Variants in ADH4 observed in about 807,000 individuals in gnomAD.
ADH4 encodes the protein all-trans-retinol dehydrogenase [NAD(+)] ADH4.
Under a neutral mutation model 35.2 loss-of-function variants are expected in ADH4, and 31 were observed. That is an observed-to-expected ratio of 0.88 (90% CI 0.66 to 1.19). The LOEUF (loss-of-function observed/expected upper bound fraction) is 1.19. Among genes scored for constraint, ADH4 ranks in the 50% most tolerant of loss-of-function variants. The pLI, the probability that ADH4 is intolerant of heterozygous loss-of-function variation, is 0.00. For missense variants in ADH4, 476 were observed against 458.3 expected, an observed-to-expected ratio of 1.04 and a Z score of -0.35; for synonymous variants, 171 against 160.2, an observed-to-expected ratio of 1.07 and a Z score of -0.51.
intron 6 of ADH4, among the ~76,000 whole-genome samples, chr4:99,127,771 G>C (rs902459973): frequency 3.3e-5 from 5 of 151,656 alleles, no homozygotes; most frequent in African/African-American, 1.2e-4. Flanking sequence ...GGAGGAGGTT[G>C]CAGTGAGCCG....
At chr4:99,128,003 C>CTTTTTTT (rs531060104) in intron 6 of ADH4, among the ~76,000 whole-genome samples, 1 of 146,776 alleles carries the variant, frequency 6.8e-6, no homozygotes. Context: ...CGTTGTGTGA[C>CTTTTTTT]TTTTTTTTTT....
intron 1 of ADH4, chr4:99,143,131 A>G (rs1441684370): frequency 2.9e-6 from 2 of 701,410 alleles, no homozygotes; most frequent in African/African-American, 1.7e-5. Context: ...ATAAAAATCT[A>G]TTGAGTGAAC....
chr4:99,131,500 A>C lies in ADH4; in HGVS notation c.843+4T>G. 1.2e-6 allele frequency: 2 copies of C among 1,611,520 alleles called. No homozygotes were observed. The highest frequency in any genetic ancestry group is 2.2e-5 in the South Asian group (2 of 90,736). ...AATATGATCCAAGAACAAAATATAC[A>C]TACCATGGTTTCAGATCCACCTGCA... On this transcript the variant is annotated splice_donor_region_variant and intron_variant, in intron 6 of 8. Coordinates refer to ENST00000265512, the MANE Select transcript of ADH4 (RefSeq NM_000670.5).
intron 4 of ADH4, among the ~76,000 whole-genome samples, chr4:99,137,146 G>C (rs1729464760): frequency 1.5e-5 from 2 of 133,126 alleles, no homozygotes; most frequent in African/African-American, 5.8e-5. Context: ...TTTTTTTTTT[G>C]AGACGGAGTC....
At chr4:99,143,205 T>G (rs1729692178) in intron 1 of ADH4, 1 of 701,996 alleles carries the variant, frequency 1.4e-6, no homozygotes, top group Non-Finnish European at 2.6e-6. Flanking sequence ...GTGTTTTACA[T>G]CTCTGCAACT....
chr4:99,140,116 T>C (rs1002758073), intron 3 of ADH4, among the ~76,000 whole-genome samples: 2 of 151,678 alleles, frequency 1.3e-5, no homozygotes, highest in African/African-American at 4.9e-5. Context: ...AGGTATTATC[T>C]TTATCTTACA....
chr4:99,143,340 A>G, intron 1 of ADH4: 1 of 648,960 alleles, frequency 1.5e-6, no homozygotes, highest in Non-Finnish European at 2.8e-6. Context: ...GAATTCATTA[A>G]AAGTCTGAGA....
intron 5 of ADH4, 141 bp downstream of exon 5, chr4:99,136,325 G>C: frequency 3.1e-6 from 2 of 653,026 alleles, no homozygotes; most frequent in South Asian, 3.7e-5. Context: ...TATTATTCTA[G>C]AGGGATTAAA....
chr4:99,134,790 G>A (rs1355201107), intron 5 of ADH4, among the ~76,000 whole-genome samples: 3 of 151,064 alleles, frequency 2.0e-5, no homozygotes, highest in African/African-American at 7.3e-5. Context: ...TGTCTATGTG[G>A]CAGATAAAAT....
At chr4:99,128,861 G>A (rs138840579) in intron 6 of ADH4, among the ~76,000 whole-genome samples, 66 of 151,866 alleles carry the variant, frequency 4.3e-4, no homozygotes, top group Non-Finnish European at 8.2e-4. Flanking sequence ...GTGGAGTGGC[G>A]TGATCATAGC....
intron 7 of ADH4, 40 bp from the exon 8 acceptor site, chr4:99,126,772 T>G (rs1385525749): frequency 6.4e-7 from 1 of 1,553,844 alleles, no homozygotes; most frequent in Non-Finnish European, 8.8e-7. Context: ...ACATGGCACT[T>G]GACACGAAGT....
chr4:99,142,193 G>A (rs886680622), intron 2 of ADH4, among the ~76,000 whole-genome samples: 4 of 152,144 alleles, frequency 2.6e-5, no homozygotes, highest in African/African-American at 9.7e-5. Context: ...GTCCAAACTT[G>A]CCATCAGTGA....
intron 2 of ADH4, among the ~76,000 whole-genome samples, chr4:99,142,043 T>C (rs185121665): frequency 2.6e-5 from 4 of 152,336 alleles, no homozygotes; most frequent in Admixed American, 2.6e-4. Context: ...ATTGTCTGAA[T>C]TAATTACCAA....
chr4:99,136,569 T>A lies in ADH4; in HGVS notation c.479A>T (p.Asp160Val). 5 of 1,614,152 alleles carry A rather than the reference T, an allele frequency of 3.1e-6. No homozygotes were observed. Among genetic ancestry groups the A allele is most frequent in the East Asian group, 4.5e-5 (2 of 44,872 alleles). Residue 160 changes from aspartate to valine, a missense_variant, in exon 5 of 9, where the codon GAT becomes GTT. Coordinates refer to ENST00000265512, the MANE Select transcript of ADH4 (RefSeq NM_000670.5). ...ATCATCTATTTTGGCAAGATTGATATCTGACACCACAGTGTACTGAGAGAA... is the reference window on the plus strand; with the variant it reads ...ATCATCTATTTTGGCAAGATTGATAACTGACACCACAGTGTACTGAGAGAA... ...STFSQYTVVS[D>V]INLAKIDDDA...
intron 6 of ADH4, among the ~76,000 whole-genome samples, chr4:99,129,251 A>G (rs1729197116): frequency 1.3e-5 from 2 of 152,096 alleles, no homozygotes; most frequent in Admixed American, 1.3e-4. Flanking sequence ...AAAAAGAATA[A>G]TTTCATATAA....
intron 6 of ADH4, among the ~76,000 whole-genome samples, chr4:99,128,881 C>A (rs1263586390): frequency 2.0e-5 from 3 of 152,004 alleles, no homozygotes; most frequent in Non-Finnish European, 4.4e-5. Context: ...CTCACTGCAG[C>A]CTCAACTTCC....
At chr4:99,132,428 A>G (rs1234467808) in intron 5 of ADH4, among the ~76,000 whole-genome samples, 5 of 152,244 alleles carry the variant, frequency 3.3e-5, no homozygotes, top group South Asian at 2.1e-4. Context: ...CATTCTGTCT[A>G]TGAAACTTTT....
chr4:99,126,664 C>G lies in ADH4; in HGVS notation c.1048G>C (p.Ala350Pro), dbSNP rs769411343. The G allele has an allele frequency of 1.4e-5, 23 of 1,611,858 alleles. No individual in the cohort carries two copies. The highest frequency in any genetic ancestry group is 1.8e-5 in the Non-Finnish European group (21 of 1,178,408). ...DYKNKKFNLDALVTHTLPFDK... is the reference protein window; with the variant it reads ...DYKNKKFNLDPLVTHTLPFDK... The stretch of plus-strand genomic sequence containing the variant: ...AAAGGCAGGGTATGGGTCACCAGTG[C>G]ATCCAGATTGAATTTCTTATTCTTA... The change falls in exon 8 of 9, where the codon GCA becomes CCA. Residue 350 changes from alanine (A) to proline (P), a missense_variant. Physicochemically the swap from Ala to Pro is conservative, Grantham distance 27. Coordinates refer to ENST00000265512, the MANE Select transcript of ADH4 (RefSeq NM_000670.5).
chr4:99,131,824 T>A, intron 5 of ADH4, 60 bp from the exon 6 acceptor site: 11 of 1,553,918 alleles, frequency 7.1e-6, no homozygotes, highest in Non-Finnish European at 9.5e-6. Context: ...TTTTTTCTTT[T>A]AAGAGTCAGG....
Sources: gnomAD v4.1 joint callset for allele counts (sites outside exome capture counted in the v4.1 genomes callset) on GRCh38, gnomAD v4.1.1 for gene constraint, MANE v1.5 for transcripts, NCBI Gene and HGNC (gene_info 2026-07-23, HGNC 2026-07-21) for gene names.